Variants in TENM3 observed in about 807,000 individuals in gnomAD.
TENM3 encodes the protein teneurin-3.
A neutral mutation model predicts 255.1 loss-of-function variants in TENM3; 63 were observed. The ratio of observed to expected loss-of-function variants is 0.25; its 90% CI spans 0.20 to 0.30. The LOEUF (loss-of-function observed/expected upper bound fraction) is 0.30. Among genes scored for constraint, TENM3 ranks in the 10% least tolerant of loss-of-function variants. The pLI is 1.00. For synonymous variants in TENM3, 1,306 were observed against 1,322.3 expected (o/e 0.99, Z 0.27); for missense variants, 2,929 against 3,461.1 (o/e 0.85, Z 3.86).
chr4:182,714,255 C>CACGA, intron 13 of TENM3, 22 bp downstream of exon 13: 2 of 1,526,022 alleles, frequency 1.3e-6, no homozygotes, highest in Non-Finnish European at 1.8e-6. Flanking sequence ...TGAGCATGAA[C>CACGA]ACGAGTCTGT....
chr4:182,707,756 C>T (rs1163595763), intron 12 of TENM3: 1 of 152,174 alleles, frequency 6.6e-6, no homozygotes, highest in Admixed American at 6.5e-5. Flanking sequence ...GAATACTTGC[C>T]TCATTTGTTA....
the TENM3 span, among the ~76,000 whole-genome samples, chr4:181,596,412 C>T: frequency 6.6e-6 from 1 of 152,062 alleles, no homozygotes; most frequent in Non-Finnish European, 1.5e-5. Context: ...AAATCCTGAA[C>T]ATCTGGCAAC....
At chr4:182,152,385 G>T (rs1561142135) in intron 1 of TENM3, among the ~76,000 whole-genome samples, 1 of 151,824 alleles carries the variant, frequency 6.6e-6, no homozygotes, top group Non-Finnish European at 1.5e-5. Context: ...AATTAAAGTT[G>T]TTACTTGTAT....
intron 17 of TENM3, among the ~76,000 whole-genome samples, chr4:182,737,609 A>G (rs1761267436): frequency 1.3e-5 from 2 of 152,318 alleles, no homozygotes; most frequent in Middle Eastern, 3.4e-3. Flanking sequence ...CAGTGCAATC[A>G]AAGTGTGACA....
intron 1 of TENM3, among the ~76,000 whole-genome samples, chr4:182,147,724 C>T (rs764669391): frequency 2.0e-5 from 3 of 152,062 alleles, no homozygotes; most frequent in African/African-American, 4.8e-5. Flanking sequence ...TAATAGTTTG[C>T]CACCAAACGT....
chr4:181,697,008 G>T, the TENM3 span, among the ~76,000 whole-genome samples: 4 of 152,210 alleles, frequency 2.6e-5, no homozygotes, highest in African/African-American at 9.6e-5. Flanking sequence ...GTTACAAATT[G>T]TCTGGTATTA....
At chr4:182,752,759 A>G (rs1762461182) in intron 20 of TENM3, among the ~76,000 whole-genome samples, 1 of 152,060 alleles carries the variant, frequency 6.6e-6, no homozygotes, top group African/African-American at 2.4e-5. Context: ...GCTTAGATCT[A>G]TTTTTGTTAG....
chr4:181,784,365 T>C, the TENM3 span, among the ~76,000 whole-genome samples: 1 of 152,094 alleles, frequency 6.6e-6, no homozygotes, highest in Admixed American at 6.6e-5. Flanking sequence ...ATTAATAAAA[T>C]ATCTTAATTT....
chr4:182,742,160 G>A (rs1200065791), intron 18 of TENM3, among the ~76,000 whole-genome samples: 1 of 152,240 alleles, frequency 6.6e-6, no homozygotes, highest in East Asian at 1.9e-4. Flanking sequence ...TACCCCGTGT[G>A]CATCACGCCA....
intron 3 of TENM3, among the ~76,000 whole-genome samples, chr4:182,394,186 C>T (rs1768639423): frequency 6.6e-6 from 1 of 152,134 alleles, no homozygotes; most frequent in Non-Finnish European, 1.5e-5. Flanking sequence ...CGTGGAACAA[C>T]CCACTGGTTT....
At chr4:182,616,948 A>G (rs1749602372) in intron 4 of TENM3, among the ~76,000 whole-genome samples, 1 of 152,180 alleles carries the variant, frequency 6.6e-6, no homozygotes, top group Admixed American at 6.5e-5. Flanking sequence ...ATCATTCTCT[A>G]AAGCACATTA....
intron 3 of TENM3, among the ~76,000 whole-genome samples, chr4:182,598,900 T>G (rs2152407360): frequency 6.6e-6 from 1 of 152,380 alleles, no homozygotes; most frequent in Non-Finnish European, 1.5e-5. Context: ...TGTAATATTC[T>G]GCTCTTCACA....
chr4:181,634,384 CTTTTT>C, the TENM3 span, among the ~76,000 whole-genome samples: 26 of 123,054 alleles, frequency 2.1e-4, no homozygotes, highest in Non-Finnish European at 4.1e-4. Flanking sequence ...TTTTTTAATT[CTTTTT>C]TTTTTTTTTT....
upstream of TENM3, among the ~76,000 whole-genome samples, chr4:182,140,975 G>C (rs1412114952): frequency 2.0e-5 from 3 of 148,140 alleles, no homozygotes; most frequent in East Asian, 3.9e-4. Flanking sequence ...CCAGAGGTTC[G>C]GCCCATTATA....
At chr4:181,881,527 A>C in the TENM3 span, among the ~76,000 whole-genome samples, 1 of 152,158 alleles carries the variant, frequency 6.6e-6, no homozygotes, top group Non-Finnish European at 1.5e-5. Flanking sequence ...TGTTGACCAC[A>C]TATCATGTAC....
At chr4:182,136,928 T>C in the TENM3 span, among the ~76,000 whole-genome samples, 1 of 152,208 alleles carries the variant, frequency 6.6e-6, no homozygotes, top group African/African-American at 2.4e-5. Flanking sequence ...CTTCCCACTG[T>C]AAGGATTCAA....
the TENM3 span, among the ~76,000 whole-genome samples, chr4:181,688,498 A>AT: frequency 1.5e-4 from 22 of 151,704 alleles, no homozygotes; most frequent in Non-Finnish European, 2.5e-4. Flanking sequence ...TGGTTAAAAC[A>AT]TTTTTTTTTA....
Position 182,628,813 on chromosome 4 carries a change from C to T in TENM3, c.912C>T (p.Tyr304=), listed in dbSNP as rs745825838. 4.9e-5 allele frequency: 79 copies of T among 1,611,314 alleles called. No individual in the cohort carries two copies. Among genetic ancestry groups the T allele is most frequent in the Non-Finnish European group, 6.0e-5 (71 of 1,178,856 alleles). The change falls in exon 5 of 28, where the codon TAC becomes TAT. Residue 304 remains tyrosine (Y), a synonymous_variant. Coordinates refer to ENST00000511685, the MANE Select transcript of TENM3 (RefSeq NM_001080477.4). ...TTAAATTCAAGAAGTCTTCAAAGTA[C>T]TGTAGCTGGAAATGCACTGCACTGT... ...SAFKFKKSSK[Y]CSWKCTALCA... is the part of the protein sequence containing the mutation.
chr4:182,707,269 C>T (rs768032989), intron 12 of TENM3, among the ~76,000 whole-genome samples: 6 of 151,988 alleles, frequency 3.9e-5, no homozygotes, highest in Non-Finnish European at 7.4e-5. Flanking sequence ...GATGGAGGGG[C>T]GCCCAGAATG....
Sources: allele counts gnomAD v4.1 joint callset (sites outside exome capture counted in the v4.1 genomes callset), GRCh38; gene constraint gnomAD v4.1.1; transcripts MANE v1.5; gene names NCBI Gene and HGNC (gene_info 2026-07-23, HGNC 2026-07-21).